The following ZDHHC2 variants were observed in gnomAD, a reference collection of about 807,000 sequenced individuals.
ZDHHC2 encodes palmitoyltransferase ZDHHC2.
A neutral mutation model predicts 55.6 loss-of-function variants in ZDHHC2; 51 were observed. The ratio of observed to expected loss-of-function variants is 0.92; its 90% confidence interval spans 0.73 to 1.16. ZDHHC2 has a LOEUF of 1.16. Ranked by LOEUF, ZDHHC2 falls within the 50% of genes most tolerant of loss-of-function variation. The pLI is 0.00. For missense variants in ZDHHC2, 491 were observed against 442.4 expected, an observed-to-expected ratio of 1.11 and a Z score of -0.99; for synonymous variants, 199 against 152.9, an observed-to-expected ratio of 1.30 and a Z score of -2.22.
At chr8:17,201,358 C>T (rs146842848) in intron 6 of ZDHHC2, among the ~76,000 whole-genome samples, 3 of 151,700 alleles carry the variant, frequency 2.0e-5, no homozygotes, top group East Asian at 1.9e-4. Flanking sequence ...GAAATGTTTC[C>T]GTATGAATAT....
chr8:17,183,889 T>C (rs947583094), intron 1 of ZDHHC2, among the ~76,000 whole-genome samples: 1 of 152,064 alleles, frequency 6.6e-6, no homozygotes, highest in Non-Finnish European at 1.5e-5. Context: ...GGCAGGAGAT[T>C]GGTTGGACTG....
intron 1 of ZDHHC2, among the ~76,000 whole-genome samples, chr8:17,159,012 C>G (rs1320407563): frequency 6.6e-6 from 1 of 152,268 alleles, no homozygotes; most frequent in Non-Finnish European, 1.5e-5. Context: ...GAAGGAAGAA[C>G]AAGTTGAAGC....
At chr8:17,178,558 C>G (rs1220327700) in intron 1 of ZDHHC2, among the ~76,000 whole-genome samples, 1 of 152,140 alleles carries the variant, frequency 6.6e-6, no homozygotes, top group East Asian at 1.9e-4. Flanking sequence ...CATTGTAGCA[C>G]ATAAGTAGCC....
chr8:17,156,851 T>A lies in ZDHHC2; in HGVS notation c.128T>A (p.Ile43Lys), dbSNP rs1260287489. ...TACGCCTACGCCATCCAGCTGTGCATAGGTGAGTGCGCCCCCCGCCGCGGC... is the reference window on the plus strand; with the variant it reads ...TACGCCTACGCCATCCAGCTGTGCAAAGGTGAGTGCGCCCCCCGCCGCGGC... ...SYYAYAIQLC[I>K]VSMENTGEQV... The change falls in exon 1 of 13, where the codon ATA becomes AAA. Residue 43 changes from isoleucine to lysine, a missense_variant and splice_region_variant. By Grantham distance (102) the Ile-to-Lys change is moderately radical. Coordinates refer to ENST00000262096, the MANE Select transcript of ZDHHC2 (RefSeq NM_016353.5). 1.4e-5 allele frequency: 21 copies of A among 1,497,536 alleles called. No individual in the cohort carries two copies. The Admixed American group carries it at 1.8e-4, about 13-fold the overall frequency. The allele number at this position is 1,497,536 out of a possible 1,614,324, so 92.8% of individuals were successfully genotyped here.
At chr8:17,186,473 T>C in intron 3 of ZDHHC2, 48 bp downstream of exon 3, 1 of 1,129,194 alleles carries the variant, frequency 8.9e-7, no homozygotes, top group East Asian at 3.1e-5. Context: ...AAATCAATAA[T>C]ACTGATGTAT....
chr8:17,218,690 A>G (rs1330033920), intron 12 of ZDHHC2, among the ~76,000 whole-genome samples: 1 of 152,198 alleles, frequency 6.6e-6, no homozygotes, highest in African/African-American at 2.4e-5. Flanking sequence ...CAAATATGGC[A>G]TGATTAGGCA....
chr8:17,167,846 C>CA (rs1359884408), intron 1 of ZDHHC2, among the ~76,000 whole-genome samples: 3 of 149,112 alleles, frequency 2.0e-5, no homozygotes, highest in Non-Finnish European at 4.5e-5. Context: ...AAAATAATCA[C>CA]AAAAAAATGA....
intron 4 of ZDHHC2, among the ~76,000 whole-genome samples, chr8:17,195,923 C>T (rs996276954): frequency 2.0e-5 from 3 of 152,074 alleles, no homozygotes; most frequent in Admixed American, 6.5e-5. Context: ...TGGTAGTACT[C>T]ATGTTTAAGG....
chr8:17,195,785 A>C (rs1806276002), intron 4 of ZDHHC2, among the ~76,000 whole-genome samples, 161 bp downstream of exon 4: 1 of 152,200 alleles, frequency 6.6e-6, no homozygotes. Flanking sequence ...GATTCCATAA[A>C]ACAGAATGGA....
chr8:17,177,013 GTCACTTTTGACCTCTAAT>G (rs1158097354), intron 1 of ZDHHC2, among the ~76,000 whole-genome samples: 1 of 152,170 alleles, frequency 6.6e-6, no homozygotes, highest in Admixed American at 6.5e-5. Context: ...TGGAAGGGGT[GTCACTTTTGACCTCTAAT>G]ACACTAAAAA....
rs1434197701 is a variant in ZDHHC2, at chr8:17,156,873, C to T, written c.130+20C>T. On this transcript the variant is annotated intron_variant, in intron 1 of 12. Transcript: ENST00000262096. ...GCATAGGTGAGTGCGCCCCCCGCCG[C>T]GGCGCCCCCAGCGCAGCGCAGCCCA... The T allele has an allele frequency of 6.7e-7, 1 of 1,485,598 alleles. No individual in the cohort carries two copies. Among genetic ancestry groups the T allele is most frequent in the Non-Finnish European group, 9.0e-7 (1 of 1,117,054 alleles). The allele number at this position is 1,485,598 out of a possible 1,614,324, so 92.0% of individuals were successfully genotyped here. A position where few individuals can be genotyped will look rare whatever the true frequency, so the allele number is the denominator to read the frequency against.
intron 8 of ZDHHC2, among the ~76,000 whole-genome samples, chr8:17,209,252 C>G (rs372387545): frequency 1.3e-5 from 2 of 152,174 alleles, no homozygotes; most frequent in South Asian, 2.1e-4. Flanking sequence ...GGACTGGATC[C>G]CGGTTTGGAC....
intron 7 of ZDHHC2, among the ~76,000 whole-genome samples, chr8:17,205,997 G>C (rs961005387): frequency 6.6e-6 from 1 of 152,208 alleles, no homozygotes; most frequent in African/African-American, 2.4e-5. Flanking sequence ...CATGTGCAGA[G>C]TGGCAAAAAC....
rs1397452372 is a variant in ZDHHC2 at position 17,204,366 on chromosome 8, G to C, written c.477-1289G>C. On this transcript the variant is annotated intron_variant, in intron 6 of 12. Coordinates refer to ENST00000262096, the MANE Select transcript of ZDHHC2 (RefSeq NM_016353.5). ...CGTTTGAGAAAAGGAAACAATATGTGTATGTTCTGTGCAATAGGCTGAATA... is the reference window on the plus strand; with the variant it reads ...CGTTTGAGAAAAGGAAACAATATGTCTATGTTCTGTGCAATAGGCTGAATA... Among the ~76,000 whole-genome samples, 9 of 152,316 alleles carry C rather than the reference G, an allele frequency of 5.9e-5. No homozygotes were observed. In the East Asian group the frequency reaches 1.7e-3, roughly 29 times the overall value.
intron 6 of ZDHHC2, among the ~76,000 whole-genome samples, chr8:17,199,502 C>T (rs866174766): frequency 2.4e-5 from 1 of 41,594 alleles, no homozygotes; most frequent in African/African-American, 6.9e-5. Context: ...TCTTCTTCTT[C>T]TTCTTCTTCT....
At chr8:17,207,904 G>A in intron 7 of ZDHHC2, 56 bp from the exon 8 acceptor site, 7 of 1,262,336 alleles carry the variant, frequency 5.5e-6, no homozygotes, top group Non-Finnish European at 6.1e-6. Flanking sequence ...ACTTATAAAA[G>A]TAGGGGAATA....
rs76937391 is a variant in ZDHHC2, at chr8:17,166,855, C to T, written c.130+10002C>T. 8.9e-3 allele frequency among the ~76,000 whole-genome samples: 1,347 copies of T among 152,190 alleles called. 18 individuals carry two copies. Among genetic ancestry groups the T allele is most frequent in the African/African-American group, 0.031 (1,299 of 41,500 alleles). On this transcript the variant is annotated intron_variant, in intron 1 of 12. Transcript: ENST00000262096. The stretch of plus-strand genomic sequence containing the variant: ...GTGCACATTGAACCCTTGTTTTGAA[C>T]TTATTACTGACTCTGATGACTTTCA...
rs529065749 is a variant in ZDHHC2 at position 17,159,471 on chromosome 8, C to T, written c.130+2618C>T. Among the ~76,000 whole-genome samples the T allele has an allele frequency of 1.2e-3, 185 of 152,230 alleles. 1 individual carries two copies. Among genetic ancestry groups the T allele is most frequent in the African/African-American group, 4.2e-3 (176 of 41,544 alleles). On this transcript the variant is annotated intron_variant, in intron 1 of 12. Coordinates refer to ENST00000262096, the MANE Select transcript of ZDHHC2 (RefSeq NM_016353.5). ...ACCCTGAATATAAATTATTCTGTGCCCTTTGCTGAATGAACTGCAATTTAG... is the reference window on the plus strand; with the variant it reads ...ACCCTGAATATAAATTATTCTGTGCTCTTTGCTGAATGAACTGCAATTTAG...
chr8:17,195,995 A>G (rs1379887079), intron 4 of ZDHHC2, among the ~76,000 whole-genome samples: 1 of 152,222 alleles, frequency 6.6e-6, no homozygotes, highest in Non-Finnish European at 1.5e-5. Flanking sequence ...TAATGAATAT[A>G]AAATGAATAC....
Sources: gnomAD v4.1 joint callset for allele counts (sites outside exome capture counted in the v4.1 genomes callset) on GRCh38, gnomAD v4.1.1 for gene constraint, MANE v1.5 for transcripts, NCBI Gene and HGNC (gene_info 2026-07-23, HGNC 2026-07-21) for gene names.